The following RGPD3 variants were observed in gnomAD, a reference collection of about 807,000 sequenced individuals.
RGPD3 encodes the protein RANBP2 like and GRIP domain containing 3.
RGPD3 carries 62 observed loss-of-function variants against 154.5 expected under a neutral mutation model. The observed-to-expected ratio is 0.40, with a 90% CI of 0.33 to 0.50. RGPD3 has a LOEUF of 0.50. Ranked by LOEUF, RGPD3 falls within the 20% of genes least tolerant of loss-of-function variation. The pLI, the probability that RGPD3 is intolerant of heterozygous loss-of-function variation, is 0.59. For synonymous variants in RGPD3, 308 were observed against 607.0 expected (o/e 0.51, Z 7.24); for missense variants, 919 against 1,716.8 (o/e 0.54, Z 8.21).
chr2:106,459,252 A>G lies in RGPD3; in HGVS notation c.140+13T>C, dbSNP rs1678333254. On this transcript the variant is annotated intron_variant, in intron 2 of 22. Transcript: ENST00000409886. ...ATTTTAAAAAAAGAATACATGTTAC[A>G]GTTTGTACTTACTTTTTAGCAAGAT... The G allele has an allele frequency of 9.3e-7, 1 of 1,076,990 alleles. No homozygotes were observed. The highest frequency in any genetic ancestry group is 1.4e-5 in the South Asian group (1 of 69,770). The allele number at this position is 1,076,990 out of a possible 1,614,324, so 66.7% of individuals were successfully genotyped here.
At chr2:106,466,444 C>A (rs1435062174) in intron 1 of RGPD3, among the ~76,000 whole-genome samples, 2 of 123,550 alleles carry the variant, frequency 1.6e-5, no homozygotes, top group Non-Finnish European at 3.5e-5. Flanking sequence ...CCTGAGCCAT[C>A]GAGGCCGCCG....
chr2:106,412,476 AT>A (rs1360449724), intron 22 of RGPD3, among the ~76,000 whole-genome samples: 4 of 151,166 alleles, frequency 2.6e-5, no homozygotes, highest in African/African-American at 4.9e-5. Flanking sequence ...CGTCCAGCTA[AT>A]TTTTGTATTT....
chr2:106,438,025 G>A (rs892512557), intron 9 of RGPD3, among the ~76,000 whole-genome samples: 23 of 152,298 alleles, frequency 1.5e-4, no homozygotes, highest in Middle Eastern at 3.4e-3. Context: ...TCCACCTCCC[G>A]GTTGAAGCGA....
At chr2:106,450,705 C>CAAAAAAAAAA (rs768839840) in intron 6 of RGPD3, among the ~76,000 whole-genome samples, 2 of 43,282 alleles carry the variant, frequency 4.6e-5, no homozygotes, top group African/African-American at 1.4e-4. Flanking sequence ...GACTCTGTCT[C>CAAAAAAAAAA]AAAAAAAAAA....
Position 106,468,338 on chromosome 2 carries a change from G to A in RGPD3, c.-50C>T, listed in dbSNP as rs1213255111. The A allele has an allele frequency of 7.7e-6, 12 of 1,565,230 alleles. No homozygotes were observed. Among genetic ancestry groups the A allele is most frequent in the Middle Eastern group, 2.3e-4 (1 of 4,390 alleles). On this transcript the variant is annotated 5_prime_UTR_variant, in exon 1 of 23. Transcript: ENST00000409886. ...ATGCGTGAGACCAGCGCTCAGCCCC[G>A]CAGCAGTCGCCAATTCCAAGAGGAA...
rs1356210800 is a variant in RGPD3, at chr2:106,436,582, A to T, written c.1466T>A (p.Leu489His). 7 of 1,611,758 alleles carry T rather than the reference A, an allele frequency of 4.3e-6. No individual in the cohort carries two copies. Among genetic ancestry groups the T allele is most frequent in the African/African-American group, 1.3e-5 (1 of 74,820 alleles). The change falls in exon 11 of 23, where the codon CTC (leucine) becomes CAC (histidine). Residue 489 changes from leucine to histidine, a missense_variant. By Grantham distance (99) the Leu-to-His change is moderately conservative. Transcript: ENST00000409886. ...GTGGCTGGTATATACTACTCCAAGG[A>T]GAAATACCTGTTTCATTTAAGGAAA... is the stretch of plus-strand genomic sequence containing the variant. ...SICILDLEVF[L>H]LGVVYTSHLQ...
At chr2:106,444,900 A>G (rs1157404399) in intron 7 of RGPD3, among the ~76,000 whole-genome samples, 5 of 123,052 alleles carry the variant, frequency 4.1e-5, no homozygotes, top group Non-Finnish European at 8.4e-5. Context: ...GCCCAGTTCA[A>G]TGTTACGGTG....
At chr2:106,417,716 T>C (rs912172882) in intron 20 of RGPD3, among the ~76,000 whole-genome samples, 1 of 151,044 alleles carries the variant, frequency 6.6e-6, no homozygotes, top group East Asian at 1.9e-4. Context: ...GTTCAAAATC[T>C]ATTGATTCGG....
chr2:106,443,685 C>CT (rs560481936), intron 7 of RGPD3, among the ~76,000 whole-genome samples: 3,636 of 83,360 alleles, frequency 0.044, 372 homozygotes, highest in African/African-American at 0.054. Flanking sequence ...TCACTATTTC[C>CT]TTTTTTTTTT....
intron 8 of RGPD3, among the ~76,000 whole-genome samples, chr2:106,440,708 TTA>T (rs1677713150): frequency 9.8e-6 from 1 of 101,840 alleles, no homozygotes; most frequent in Admixed American, 1.1e-4. Context: ...ATAGAAAGCA[TTA>T]TGTTTCTTCA....
intron 8 of RGPD3, among the ~76,000 whole-genome samples, chr2:106,440,711 T>C (rs1475747006): frequency 9.8e-6 from 1 of 101,800 alleles, no homozygotes; most frequent in Non-Finnish European, 2.0e-5. Flanking sequence ...GAAAGCATTA[T>C]GTTTCTTCAG....
rs1412045210 is a variant in RGPD3, at chr2:106,425,046, T to A, written c.2921A>T (p.Asp974Val). The change falls in exon 20 of 23, where the codon GAT (aspartate) becomes GTT (valine). Residue 974 changes from aspartate to valine, a missense_variant. By Grantham distance (152) the Asp-to-Val change is radical (BLOSUM62 -3). Transcript: ENST00000409886. ...GQTSSTFTFA[D>V]VAKSTSGEGF... ...TTCTCCTGAAGTTGATTTTGCAACA[T>A]CTGCAAATGTAAAAGTGCTACTTGT... is the stretch of plus-strand genomic sequence containing the variant. 8.1e-6 allele frequency: 13 copies of A among 1,611,864 alleles called. No homozygotes were observed. The highest frequency in any genetic ancestry group is 1.3e-5 in the African/African-American group (1 of 74,830).
Position 106,441,293 on chromosome 2 carries a change from C to T in RGPD3, c.1066G>A (p.Gly356Arg), listed in dbSNP as rs780903008. The T allele has an allele frequency of 3.4e-6, 5 of 1,483,702 alleles. No homozygotes were observed. The South Asian group carries it at 3.7e-5, about 11-fold the overall frequency. The allele number at this position is 1,483,702 out of a possible 1,614,324, so 91.9% of individuals were successfully genotyped here. The change falls in exon 8 of 23, where the codon GGG (glycine) becomes AGG (arginine). Residue 356 changes from glycine (G) to arginine (R), a missense_variant and splice_region_variant. Physicochemically the swap from Gly to Arg is moderately radical, Grantham distance 125. Transcript: ENST00000409886. Reference sequence around the variant, plus strand: ...TAAATTAGTTTAATATTACTATTACCTGATTGGCTCAGTCGGTCACAGGCC... The same window carrying T: ...TAAATTAGTTTAATATTACTATTACTTGATTGGCTCAGTCGGTCACAGGCC... ...MMACDRLSQS[G>R]HMLLNLSRGK...
At chr2:106,437,587 T>C (rs1573272495) in intron 9 of RGPD3, among the ~76,000 whole-genome samples, 1 of 152,356 alleles carries the variant, frequency 6.6e-6, no homozygotes, top group Non-Finnish European at 1.5e-5. Flanking sequence ...TTCTGTCATT[T>C]TGGCAATTTG....
In RGPD3 at chr2:106,415,911, TG is replaced by T; in HGVS notation, c.5002del (p.His1668ThrfsTer2). The T allele has an allele frequency of 1.9e-6, 3 of 1,611,882 alleles. No homozygotes were observed. The highest frequency in any genetic ancestry group is 2.5e-6 in the Non-Finnish European group (3 of 1,179,838). On this transcript the variant is annotated frameshift_variant, in exon 21 of 23. Transcript: ENST00000409886. LOFTEE classifies it high-confidence loss of function. ...TATTTCCCGAAGCAGGCCGTTTAAG[TG>T]ATCTGCACTTTTTGTGGTGGAACTG... ...KLSSTTKSAD[H>X]LNGLLREIEA...
intron 1 of RGPD3, among the ~76,000 whole-genome samples, chr2:106,466,974 A>T (rs1422558618): frequency 1.8e-5 from 2 of 110,964 alleles, no homozygotes; most frequent in Non-Finnish European, 3.8e-5. Flanking sequence ...AGGCCGCCGC[A>T]GGGCCAGGTC....
upstream of RGPD3, chr2:106,468,422 T>C (rs1678718899): frequency 6.6e-7 from 1 of 1,505,726 alleles, no homozygotes; most frequent in Non-Finnish European, 8.9e-7. Context: ...GTGACGAACT[T>C]GTGTCCTGCG....
At chr2:106,415,569 T>G (rs963493868) in intron 21 of RGPD3, among the ~76,000 whole-genome samples, 1 of 143,586 alleles carries the variant, frequency 7.0e-6, no homozygotes, top group African/African-American at 2.6e-5. Flanking sequence ...CCCAGCTACT[T>G]GGGAGGCTGA....
chr2:106,411,453 C>A (rs1676669789), intron 22 of RGPD3, among the ~76,000 whole-genome samples: 1 of 143,652 alleles, frequency 7.0e-6, no homozygotes, highest in Admixed American at 7.2e-5. Flanking sequence ...TATAGAACTG[C>A]TATAGCATAA....
Sources: gnomAD v4.1 joint callset for allele counts (sites outside exome capture counted in the v4.1 genomes callset) on GRCh38, gnomAD v4.1.1 for gene constraint, MANE v1.5 for transcripts, NCBI Gene and HGNC (gene_info 2026-07-23, HGNC 2026-07-21) for gene names.